Variants in RNF38 observed in about 807,000 individuals in gnomAD.
The protein encoded by RNF38 is E3 ubiquitin-protein ligase RNF38.
Under a neutral mutation model 67.2 loss-of-function variants are expected in RNF38, and 15 were observed. That is an observed-to-expected ratio of 0.22 (90% CI 0.15 to 0.34). The LOEUF is 0.34. Among genes scored for constraint, RNF38 ranks in the 10% least tolerant of loss-of-function variants. RNF38 has a pLI of 1.00. For missense variants in RNF38, 524 were observed against 639.9 expected (o/e 0.82, Z 1.95); for synonymous variants, 220 against 218.8 (o/e 1.01, Z -0.05).
chr9:36,397,071 ATGTG>A (rs143606597), intron 1 of RNF38, among the ~76,000 whole-genome samples: 1 of 140,140 alleles, frequency 7.1e-6, no homozygotes, highest in Non-Finnish European at 1.5e-5. Context: ...ACGTATATAT[ATGTG>A]TGTGTGTATA....
chr9:36,451,101 G>A (rs1450503565), intron 1 of RNF38, among the ~76,000 whole-genome samples: 1 of 152,060 alleles, frequency 6.6e-6, no homozygotes, highest in East Asian at 1.9e-4. Context: ...ACGCACCTTG[G>A]GAATGCAATC....
rs2134222122 is a variant in RNF38, at chr9:36,418,038, T to C, written n.312+6575A>G. Reference sequence around the variant, plus strand: ...TAGAGTGCTGTGTTTGTTTTTACAATCAATATGTGATTTTTTTTTTTTTTT... The same window carrying C: ...TAGAGTGCTGTGTTTGTTTTTACAACCAATATGTGATTTTTTTTTTTTTTT... On this transcript the variant is annotated intron_variant and non_coding_transcript_variant, in intron 2 of 3. Transcript: ENST00000488058. Among the ~76,000 whole-genome samples, 3 of 150,752 alleles carry C rather than the reference T, an allele frequency of 2.0e-5. No individual in the cohort carries two copies. The Admixed American group carries it at 2.0e-4, about 10-fold the overall frequency.
In RNF38 at chr9:36,359,500, T is replaced by C. The variant is rs117306038; in HGVS notation, c.571-1558A>G. ...GCCTCTACAGTGAAATACCATCTTT[T>C]TAAAAATTCATTAAGTACGCACACA... On this transcript the variant is annotated intron_variant, in intron 4 of 11. Transcript: ENST00000259605. Among the ~76,000 whole-genome samples, 898 of 152,298 alleles carry C rather than the reference T, an allele frequency of 5.9e-3. 6 individuals carry two copies. Among genetic ancestry groups the C allele is most frequent in the Non-Finnish European group, 9.1e-3 (622 of 68,024 alleles).
chr9:36,387,946 A>G lies in RNF38; in HGVS notation c.162+2521T>C, dbSNP rs964148221. Among the ~76,000 whole-genome samples, 4 of 152,174 alleles carry G rather than the reference A, an allele frequency of 2.6e-5. No individual in the cohort carries two copies. The East Asian group carries it at 7.7e-4, about 29-fold the overall frequency. On this transcript the variant is annotated intron_variant, in intron 2 of 11. Coordinates refer to ENST00000259605, the MANE Select transcript of RNF38 (RefSeq NM_022781.5). Reference sequence around the variant, plus strand: ...AGCAAAAAGAAAGGAGACAAGCTGCAGTATAGTCATATAATAGAAAACTAA... The same window carrying G: ...AGCAAAAAGAAAGGAGACAAGCTGCGGTATAGTCATATAATAGAAAACTAA...
At chr9:36,398,043 A>T (rs1837671128) in intron 1 of RNF38, among the ~76,000 whole-genome samples, 1 of 152,216 alleles carries the variant, frequency 6.6e-6, no homozygotes, top group East Asian at 1.9e-4. Context: ...AGTTGGAAAA[A>T]AGAGGTATGA....
rs1010064439 is a variant in RNF38, at chr9:36,430,048, T to C, written n.242-5365A>G. Among the ~76,000 whole-genome samples, 3 of 152,172 alleles carry C rather than the reference T, an allele frequency of 2.0e-5. No homozygotes were observed. In the East Asian group the frequency reaches 5.8e-4, roughly 29 times the overall value. On this transcript the variant is annotated intron_variant and non_coding_transcript_variant, in intron 1 of 3. Transcript: ENST00000488058. ...GCATACTATCATCAGATAACTAAAC[T>C]ATTCCACCCCTCCTACCCTACTCTC...
chr9:36,438,328 C>T (rs1839116572), intron 1 of RNF38, among the ~76,000 whole-genome samples: 1 of 152,070 alleles, frequency 6.6e-6, no homozygotes. Flanking sequence ...CAACCCGTGA[C>T]CCATGGGCTG....
At chr9:36,389,344 C>CA (rs35595917) in intron 2 of RNF38, among the ~76,000 whole-genome samples, 9,166 of 132,704 alleles carry the variant, frequency 0.069, 326 homozygotes, top group Middle Eastern at 0.14. Flanking sequence ...GAAAAGTATC[C>CA]AAAAAAAAAA....
intron 4 of RNF38, among the ~76,000 whole-genome samples, chr9:36,367,393 AATG>A (rs1226305154): frequency 7.2e-5 from 11 of 152,216 alleles, no homozygotes; most frequent in Non-Finnish European, 1.6e-4. Flanking sequence ...TCTAATAAGA[AATG>A]ATGGCTAGAT....
chr9:36,353,426 T>C (rs1833851811), intron 6 of RNF38, 95 bp from the exon 7 acceptor site: 1 of 872,850 alleles, frequency 1.1e-6, no homozygotes, highest in Non-Finnish European at 1.6e-6. Context: ...AAATTTAAAA[T>C]CCCAAAATGT....
intron 2 of RNF38, among the ~76,000 whole-genome samples, chr9:36,378,263 G>A (rs978456447): frequency 1.4e-5 from 2 of 140,582 alleles, no homozygotes; most frequent in African/African-American, 2.7e-5. Context: ...CGCAACCTCC[G>A]CCTCCTGGGT....
At chr9:36,486,828 A>C (rs1224368462) in intron 1 of RNF38, among the ~76,000 whole-genome samples, 1 of 151,918 alleles carries the variant, frequency 6.6e-6, no homozygotes, top group Non-Finnish European at 1.5e-5. Flanking sequence ...AAACCAGCCC[A>C]AAAAGGGCTG....
rs957535623 is a variant in RNF38, at chr9:36,473,119, C to T, written n.241+14189G>A. ...TGCACTCCAGCCTGGGTGACAAGCGCGAAACTCCATCTCCAAAAAATAAAT... is the reference window on the plus strand; with the variant it reads ...TGCACTCCAGCCTGGGTGACAAGCGTGAAACTCCATCTCCAAAAAATAAAT... On this transcript the variant is annotated intron_variant and non_coding_transcript_variant, in intron 1 of 3. Transcript: ENST00000488058. 5.7e-4 allele frequency among the ~76,000 whole-genome samples: 87 copies of T among 151,408 alleles called. 1 individual carries two copies. The highest frequency in any genetic ancestry group is 1.9e-3 in the African/African-American group (78 of 41,148).
chr9:36,375,820 A>G, intron 3 of RNF38, 114 bp downstream of exon 3: 3 of 907,346 alleles, frequency 3.3e-6, no homozygotes, highest in Admixed American at 3.1e-5. Context: ...ATGTACGTGT[A>G]TATGTGGTGA....
At chr9:36,346,329 CT>C (rs1277821220) in intron 9 of RNF38, among the ~76,000 whole-genome samples, 1 of 152,114 alleles carries the variant, frequency 6.6e-6, no homozygotes, top group East Asian at 1.9e-4. Context: ...CCTCCTCCTC[CT>C]GAGTAGCTGC....
intron 1 of RNF38, among the ~76,000 whole-genome samples, chr9:36,441,958 T>C (rs1384298725): frequency 1.4e-4 from 21 of 152,234 alleles, no homozygotes. Flanking sequence ...CTATTTATTA[T>C]CACTGAATAT....
intron 1 of RNF38, among the ~76,000 whole-genome samples, chr9:36,392,456 G>A (rs1208462310): frequency 3.9e-5 from 6 of 152,160 alleles, no homozygotes; most frequent in African/African-American, 1.2e-4. Flanking sequence ...ATAGAGACAG[G>A]CCAAATGCAG....
At chr9:36,350,982 C>T in intron 9 of RNF38, 133 bp downstream of exon 9, 1 of 680,572 alleles carries the variant, frequency 1.5e-6, no homozygotes, top group Non-Finnish European at 2.6e-6. Context: ...ATGTGTGGCC[C>T]AACACAGTAA....
In RNF38 at chr9:36,432,708, AC is replaced by A. The variant is rs570814379; in HGVS notation, n.242-8026del. 8.5e-4 allele frequency among the ~76,000 whole-genome samples: 129 copies of A among 152,116 alleles called. 1 individual carries two copies. In the East Asian group the frequency reaches 0.022, roughly 26 times the overall value. ...CTCGGGAGGCTGAGGCAGGAGAATC[AC>A]TTGAACCCAGGAGGCGGAGGCTGCA... On this transcript the variant is annotated intron_variant and non_coding_transcript_variant, in intron 1 of 3. Coordinates refer to the RNF38 transcript ENST00000488058.
Sources: allele counts gnomAD v4.1 joint callset (sites outside exome capture counted in the v4.1 genomes callset), GRCh38; gene constraint gnomAD v4.1.1; transcripts MANE v1.5; gene names NCBI Gene and HGNC (gene_info 2026-07-23, HGNC 2026-07-21).